Variants in PLEKHG4B observed in about 807,000 individuals in gnomAD.
PLEKHG4B encodes the protein pleckstrin homology and RhoGEF domain containing G4B, also known as pleckstrin homology domain-containing family G member 4B.
In PLEKHG4B, 111 loss-of-function variants were observed where a neutral mutation model predicts 121.3. The observed-to-expected ratio is 0.92, with a 90% confidence interval of 0.78 to 1.07. The LOEUF is 1.07. PLEKHG4B is among the 50% of genes least tolerant of loss of function. The probability of loss-of-function intolerance (pLI) is 0.00; values close to 1 mark genes in which losing one functional copy is unlikely to be tolerated. For synonymous variants in PLEKHG4B, 738 were observed against 725.0 expected, an observed-to-expected ratio of 1.02 and a Z score of -0.29; for missense variants, 1,831 against 1,757.8, an observed-to-expected ratio of 1.04 and a Z score of -0.74.
At position 182,433 on chromosome 5, in the gene PLEKHG4B, A is replaced by G; in HGVS notation, c.*110A>G. ...CGGTGCCCATCGCGTGGCTGGAACGATCCAGAGGGAATAGCACAGCAGGTG... is the reference window on the plus strand; with the variant it reads ...CGGTGCCCATCGCGTGGCTGGAACGGTCCAGAGGGAATAGCACAGCAGGTG... On this transcript the variant is annotated 3_prime_UTR_variant, in exon 20 of 20. Transcript: ENST00000637938. 1 of 1,091,776 alleles carries G rather than the reference A, an allele frequency of 9.2e-7. No individual in the cohort carries two copies. Among genetic ancestry groups the G allele is most frequent in the Non-Finnish European group, 1.3e-6 (1 of 770,702 alleles). The allele number at this position is 1,091,776 out of a possible 1,614,324, so 67.6% of individuals were successfully genotyped here. A position where few individuals can be genotyped will look rare whatever the true frequency, so the allele number is the denominator to read the frequency against.
Position 159,908 on chromosome 5 carries a change from C to T in PLEKHG4B, c.2488-1875C>T, listed in dbSNP as rs543400938. 6.6e-6 allele frequency among the ~76,000 whole-genome samples: 1 copy of T among 152,260 alleles called. No homozygotes were observed. The highest frequency in any genetic ancestry group is 2.1e-4 in the South Asian group (1 of 4,818). ...GGCCCTGCCACTCCCGCTTCCTTCC[C>T]GGCCTCCAGGTTTGTGCCCTGGCTG... is the stretch of plus-strand genomic sequence containing the variant. On this transcript the variant is annotated intron_variant, in intron 11 of 19. Coordinates refer to ENST00000637938, the MANE Select transcript of PLEKHG4B (RefSeq NM_052909.5). This position sits in a 1 kb window ranked among gnomAD's most constrained non-coding sequence, Gnocchi z 5.5.
At chr5:116,570 G>T (rs898412866) in intron 2 of PLEKHG4B, among the ~76,000 whole-genome samples, 3 of 152,202 alleles carry the variant, frequency 2.0e-5, no homozygotes, top group African/African-American at 7.2e-5. Flanking sequence ...TGTTTCTTGG[G>T]ATATTTATGC....
intron 1 of PLEKHG4B, among the ~76,000 whole-genome samples, chr5:102,389 G>A (rs1375816393): frequency 6.6e-6 from 1 of 152,026 alleles, no homozygotes; most frequent in Non-Finnish European, 1.5e-5. Flanking sequence ...TAAATAGAAT[G>A]ATGTCTTTTG....
intron 2 of PLEKHG4B, among the ~76,000 whole-genome samples, chr5:116,492 A>G (rs1734311329): frequency 6.6e-6 from 1 of 152,272 alleles, no homozygotes; most frequent in East Asian, 1.9e-4. Context: ...CAGCTGGAAC[A>G]CAGTAAAACA....
rs1736463187 is a variant in PLEKHG4B at position 169,403 on chromosome 5, A to C, written c.3540A>C (p.Leu1180Phe). 6 of 1,614,116 alleles carry C rather than the reference A, an allele frequency of 3.7e-6. No homozygotes were observed. The highest frequency in any genetic ancestry group is 5.1e-6 in the Non-Finnish European group (6 of 1,180,048). Residue 1180 changes from leucine (L) to phenylalanine (F), a missense_variant, in exon 14 of 20, where the codon TTA becomes TTC. By Grantham distance (22) the Leu-to-Phe change is conservative. Coordinates refer to ENST00000637938, the MANE Select transcript of PLEKHG4B (RefSeq NM_052909.5). ...IATEREYIRC[L>F]GYVIDNYFPE... ...CAGAGAGGGAGTACATTCGGTGCTTAGGATACGTCATTGACAACTATTTTC... is the reference window on the plus strand; with the variant it reads ...CAGAGAGGGAGTACATTCGGTGCTTCGGATACGTCATTGACAACTATTTTC...
At chr5:116,104 A>G (rs184913029) in intron 2 of PLEKHG4B, among the ~76,000 whole-genome samples, 1 of 152,062 alleles carries the variant, frequency 6.6e-6, no homozygotes, top group Non-Finnish European at 1.5e-5. Flanking sequence ...GAGATGTCCA[A>G]CTCTTCCTTT....
chr5:105,875 T>G (rs1256261642), intron 1 of PLEKHG4B, among the ~76,000 whole-genome samples: 1 of 152,112 alleles, frequency 6.6e-6, no homozygotes, highest in Non-Finnish European at 1.5e-5. Context: ...CTGTAGAAGC[T>G]GGGGGGGCCC....
intron 13 of PLEKHG4B, among the ~76,000 whole-genome samples, chr5:165,253 G>T (rs1736273476): frequency 2.7e-5 from 1 of 37,054 alleles, no homozygotes; most frequent in Non-Finnish European, 6.5e-5. Flanking sequence ...TGCTCTGACG[G>T]GGCGGGGCTC....
At position 156,746 on chromosome 5, in the gene PLEKHG4B, G is replaced by C. The variant is rs191150880; in HGVS notation, c.2349-27G>C. 6.4e-4 allele frequency: 985 copies of C among 1,536,518 alleles called. 2 individuals are homozygous for C. In the African/African-American group the frequency reaches 0.01, roughly 16 times the overall value. On this transcript the variant is annotated intron_variant, in intron 10 of 19. Coordinates refer to ENST00000637938, the MANE Select transcript of PLEKHG4B (RefSeq NM_052909.5). The surrounding 1 kb of genome is among the most constrained non-coding windows in gnomAD (Gnocchi z 4.4). Reference sequence around the variant, plus strand: ...AGATTCCTCAAGGGGCCGCCTGGAAGCCTGAGGACTGCCTTCTCTTCCTCA... The same window carrying C: ...AGATTCCTCAAGGGGCCGCCTGGAACCCTGAGGACTGCCTTCTCTTCCTCA...
intron 1 of PLEKHG4B, among the ~76,000 whole-genome samples, chr5:107,737 C>G (rs1202680720): frequency 6.6e-6 from 1 of 152,146 alleles, no homozygotes; most frequent in Non-Finnish European, 1.5e-5. Flanking sequence ...GGAACTGAGC[C>G]AAGGCTTTCT....
intron 11 of PLEKHG4B, 149 bp from the exon 12 acceptor site, chr5:161,634 C>G: frequency 1.1e-6 from 1 of 900,676 alleles, no homozygotes; most frequent in Non-Finnish European, 1.7e-6. Flanking sequence ...TCCTTTGGTG[C>G]CTGCTCTCGA....
intron 13 of PLEKHG4B, among the ~76,000 whole-genome samples, chr5:164,105 G>C (rs1033058644): frequency 1.3e-5 from 2 of 152,268 alleles, no homozygotes; most frequent in East Asian, 1.9e-4. Context: ...GTGAGGGCTA[G>C]AGGTGGAGAA....
chr5:172,429 C>T (rs1309112405), intron 16 of PLEKHG4B, among the ~76,000 whole-genome samples: 4 of 152,224 alleles, frequency 2.6e-5, no homozygotes, highest in African/African-American at 9.6e-5. Flanking sequence ...GAGGAGCTGT[C>T]GGATTCCCAG....
intron 1 of PLEKHG4B, among the ~76,000 whole-genome samples, chr5:101,447 G>A (rs2940231): frequency 4.3e-5 from 3 of 69,600 alleles, no homozygotes; most frequent in East Asian, 7.3e-4. Context: ...TATAAAGCCC[G>A]GGGAAAAGCC....
At chr5:99,389 AT>A (rs979008235) in intron 1 of PLEKHG4B, among the ~76,000 whole-genome samples, 14 of 151,694 alleles carry the variant, frequency 9.2e-5, no homozygotes, top group African/African-American at 3.4e-4. Context: ...AATGTCTTCC[AT>A]TTACTTGTGT....
rs565142389 is a variant in PLEKHG4B, at chr5:177,520, G to A, written c.4402+3422G>A. Among the ~76,000 whole-genome samples the A allele has an allele frequency of 1.5e-3, 229 of 152,240 alleles. 1 individual carries two copies. The highest frequency in any genetic ancestry group is 0.01 in the Middle Eastern group (3 of 294). On this transcript the variant is annotated intron_variant, in intron 18 of 19. Coordinates refer to ENST00000637938, the MANE Select transcript of PLEKHG4B (RefSeq NM_052909.5). The stretch of plus-strand genomic sequence containing the variant: ...GTCTGTGGAAGGTATCCGAGTGACC[G>A]GCGGCAAATCTGTACAGGTCTGCAG...
chr5:148,362 T>TA (rs1735498800), intron 6 of PLEKHG4B, among the ~76,000 whole-genome samples: 1 of 141,466 alleles, frequency 7.1e-6, no homozygotes, highest in Non-Finnish European at 1.6e-5. Flanking sequence ...AAAAAATAAA[T>TA]AAAAATAAGT....
intron 6 of PLEKHG4B, among the ~76,000 whole-genome samples, chr5:145,848 G>C (rs2126409698): frequency 6.6e-6 from 1 of 152,162 alleles, no homozygotes; most frequent in African/African-American, 2.4e-5. Flanking sequence ...TGCCCCACCT[G>C]CACTCCACGA....
chr5:107,137 A>T lies in PLEKHG4B; in HGVS notation c.46-6114A>T, dbSNP rs571617272. On this transcript the variant is annotated intron_variant, in intron 1 of 19. Coordinates refer to ENST00000637938, the MANE Select transcript of PLEKHG4B (RefSeq NM_052909.5). ...AATGGCTCATTATTAATGCTCAGCC[A>T]ACTGTAAAGCTGCTCCAGGTCCTGC... Among the ~76,000 whole-genome samples, 46 of 152,328 alleles carry T rather than the reference A, an allele frequency of 3.0e-4. 1 individual carries two copies. In the South Asian group the frequency reaches 9.3e-3, roughly 31 times the overall value.
Sources: gnomAD v4.1 joint callset for allele counts (sites outside exome capture counted in the v4.1 genomes callset) on GRCh38, gnomAD v4.1.1 for gene constraint, Gnocchi (gnomAD v3.1) non-coding constraint, MANE v1.5 for transcripts, NCBI Gene and HGNC (gene_info 2026-07-23, HGNC 2026-07-21) for gene names.